The following GRID1 variants were observed in gnomAD, a reference collection of about 807,000 sequenced individuals.
The protein encoded by GRID1 is glutamate receptor ionotropic, delta-1.
A neutral mutation model predicts 98.0 loss-of-function variants in GRID1; 28 were observed. That is an observed-to-expected ratio of 0.29 (90% CI 0.21 to 0.39). The LOEUF (loss-of-function observed/expected upper bound fraction) is 0.39, where lower values mean the gene tolerates loss of function less well. Among genes scored for constraint, GRID1 ranks in the 10% least tolerant of loss-of-function variants. The pLI, the probability that GRID1 is intolerant of heterozygous loss-of-function variation, is 1.00. For synonymous variants in GRID1, 553 were observed against 538.5 expected, an observed-to-expected ratio of 1.03 and a Z score of -0.37; for missense variants, 1,111 against 1,340.5, an observed-to-expected ratio of 0.83 and a Z score of 2.67.
chr10:85,948,822 C>T (rs1008768461), intron 4 of GRID1, among the ~76,000 whole-genome samples: 1 of 152,130 alleles, frequency 6.6e-6, no homozygotes, highest in Admixed American at 6.5e-5. Flanking sequence ...TTAATAAAAA[C>T]ATGTGCTTTA....
intron 4 of GRID1, among the ~76,000 whole-genome samples, chr10:85,926,784 A>G (rs1450031887): frequency 6.6e-6 from 1 of 152,172 alleles, no homozygotes; most frequent in African/African-American, 2.4e-5. Context: ...ATTTGTAGGG[A>G]CTGTGGTGGA....
At chr10:85,867,476 T>C (rs747274096) in intron 6 of GRID1, among the ~76,000 whole-genome samples, 1 of 151,476 alleles carries the variant, frequency 6.6e-6, no homozygotes, top group Non-Finnish European at 1.5e-5. Flanking sequence ...CTGCACTGGG[T>C]GGGAATGGGC....
chr10:85,945,097 A>C (rs941887919), intron 4 of GRID1, among the ~76,000 whole-genome samples: 2 of 152,158 alleles, frequency 1.3e-5, no homozygotes, highest in African/African-American at 4.8e-5. Flanking sequence ...AACCATGAAC[A>C]CCTATCAGCA....
chr10:86,178,012 G>A (rs1177464948), intron 3 of GRID1, among the ~76,000 whole-genome samples: 1 of 152,028 alleles, frequency 6.6e-6, no homozygotes, highest in Non-Finnish European at 1.5e-5. Context: ...CAGCCTTGAG[G>A]GGCACCAGGG....
chr10:86,125,598 G>A (rs944275985), intron 4 of GRID1, among the ~76,000 whole-genome samples: 2 of 152,170 alleles, frequency 1.3e-5, no homozygotes, highest in African/African-American at 4.8e-5. Context: ...AACACAGATT[G>A]GAACTGTGAG....
At chr10:86,288,712 C>T (rs1209683096) in intron 2 of GRID1, among the ~76,000 whole-genome samples, 2 of 152,230 alleles carry the variant, frequency 1.3e-5, no homozygotes, top group Non-Finnish European at 2.9e-5. Context: ...AGCGGCAGCA[C>T]TCAAATTGCC....
At chr10:85,656,559 T>A (rs1179065645) in intron 12 of GRID1, among the ~76,000 whole-genome samples, 2 of 152,176 alleles carry the variant, frequency 1.3e-5, no homozygotes, top group East Asian at 3.9e-4. Context: ...ACACTAAACA[T>A]GCTCAAACTT....
intron 12 of GRID1, among the ~76,000 whole-genome samples, chr10:85,655,977 T>G (rs1394094076): frequency 6.6e-6 from 1 of 151,338 alleles, no homozygotes; most frequent in Admixed American, 6.6e-5. Flanking sequence ...TACATACATC[T>G]TCTCTCTCTC....
chr10:86,069,319 A>G (rs1564665381), intron 4 of GRID1, among the ~76,000 whole-genome samples: 1 of 152,200 alleles, frequency 6.6e-6, no homozygotes, highest in East Asian at 1.9e-4. Flanking sequence ...GAGCTGCTCC[A>G]GACCAGAGAG....
chr10:85,770,184 T>C (rs1323481563), intron 8 of GRID1, among the ~76,000 whole-genome samples: 2 of 152,230 alleles, frequency 1.3e-5, no homozygotes, highest in Non-Finnish European at 2.9e-5. Flanking sequence ...TCTGCTGTTC[T>C]GCAGCCACCG....
At chr10:86,119,201 G>C (rs2131957683) in intron 4 of GRID1, among the ~76,000 whole-genome samples, 1 of 152,232 alleles carries the variant, frequency 6.6e-6, no homozygotes, top group East Asian at 1.9e-4. Flanking sequence ...CGGGCATGGT[G>C]GTGTGTACCT....
Position 85,612,416 on chromosome 10 carries a change from C to T in GRID1, c.2601+991G>A, listed in dbSNP as rs371989605. Among the ~76,000 whole-genome samples, 14 of 152,310 alleles carry T rather than the reference C, an allele frequency of 9.2e-5. No homozygotes were observed. In the East Asian group the frequency reaches 1.2e-3, roughly 13 times the overall value. The stretch of plus-strand genomic sequence containing the variant: ...ACCTCTGAAACCATTTAATGAACTG[C>T]CCTGTACTATCTGAGCCTCCAGTAA... On this transcript the variant is annotated intron_variant, in intron 15 of 15. Transcript: ENST00000327946.
intron 2 of GRID1, among the ~76,000 whole-genome samples, chr10:86,320,269 A>G (rs1237197244): frequency 6.6e-6 from 1 of 152,234 alleles, no homozygotes; most frequent in Non-Finnish European, 1.5e-5. Context: ...ATGAAGAGGG[A>G]CACCCAGGCC....
chr10:85,723,174 G>A, intron 11 of GRID1, 33 bp from the exon 12 acceptor site: 1 of 1,578,566 alleles, frequency 6.3e-7, no homozygotes, highest in Admixed American at 1.7e-5. Context: ...ATTGGCCAGT[G>A]GCTTCTGCTC....
At chr10:85,681,975 C>T (rs1224262828) in intron 12 of GRID1, among the ~76,000 whole-genome samples, 2 of 151,994 alleles carry the variant, frequency 1.3e-5, no homozygotes, top group Non-Finnish European at 2.9e-5. Context: ...TGAGAGAGCA[C>T]CTGTCCCACC....
intron 2 of GRID1, among the ~76,000 whole-genome samples, chr10:86,261,755 G>C (rs532729287): frequency 3.3e-5 from 5 of 150,582 alleles, no homozygotes; most frequent in Non-Finnish European, 7.4e-5. Context: ...CCTGAGCAGG[G>C]GCATTGAGGT....
chr10:86,228,016 A>G (rs777329950), intron 2 of GRID1, among the ~76,000 whole-genome samples: 2 of 151,844 alleles, frequency 1.3e-5, no homozygotes, highest in African/African-American at 4.8e-5. Context: ...GGATGGAAGG[A>G]TAGTTGGATG....
intron 2 of GRID1, among the ~76,000 whole-genome samples, chr10:86,214,986 C>T (rs1305172520): frequency 6.6e-6 from 1 of 152,222 alleles, no homozygotes; most frequent in African/African-American, 2.4e-5. Flanking sequence ...ATCATGTTCA[C>T]CAAAAGGCAA....
At chr10:86,142,832 T>C (rs967908929) in intron 3 of GRID1, among the ~76,000 whole-genome samples, 11 of 152,208 alleles carry the variant, frequency 7.2e-5, no homozygotes, top group African/African-American at 2.7e-4. Context: ...TTCAGTCCCT[T>C]CCCTGAGCTC....
Sources: allele counts gnomAD v4.1 joint callset (sites outside exome capture counted in the v4.1 genomes callset), GRCh38; gene constraint gnomAD v4.1.1; transcripts MANE v1.5; gene names NCBI Gene and HGNC (gene_info 2026-07-23, HGNC 2026-07-21).